The following HEMK2 variants were observed in gnomAD, a reference collection of about 807,000 sequenced individuals.
HEMK2 encodes HemK methyltransferase 2, ETF1 glutamine and histone H4 lysine.
the HEMK2 span, among the ~76,000 whole-genome samples, chr21:28,705,476 A>C: frequency 1.0e-5 from 1 of 98,286 alleles, no homozygotes. Flanking sequence ...GAAAACCAAC[A>C]TAATATCTCT....
chr21:28,751,830 C>G, the HEMK2 span, among the ~76,000 whole-genome samples: 1 of 152,170 alleles, frequency 6.6e-6, no homozygotes, highest in Non-Finnish European at 1.5e-5. Context: ...CAGGCATATG[C>G]CATTACGTCC....
At chr21:28,767,374 TA>T in the HEMK2 span, among the ~76,000 whole-genome samples, 15 of 147,724 alleles carry the variant, frequency 1.0e-4, no homozygotes, top group African/African-American at 3.0e-4. Flanking sequence ...TACTGAAATT[TA>T]AAAAAAAAAT....
the HEMK2 span, among the ~76,000 whole-genome samples, chr21:28,810,174 G>A: frequency 6.6e-6 from 1 of 152,118 alleles, no homozygotes; most frequent in Non-Finnish European, 1.5e-5. Flanking sequence ...CTGGTACAGT[G>A]CTAGATTAGG....
chr21:28,709,774 G>A, the HEMK2 span, among the ~76,000 whole-genome samples: 3 of 152,144 alleles, frequency 2.0e-5, no homozygotes, highest in East Asian at 1.9e-4. Flanking sequence ...GGGCTGGGGC[G>A]AGAGGAAGAG....
the HEMK2 span, among the ~76,000 whole-genome samples, chr21:28,855,268 G>T: frequency 6.6e-6 from 1 of 152,056 alleles, no homozygotes; most frequent in Non-Finnish European, 1.5e-5. Flanking sequence ...ACAAAGGAAA[G>T]AATTACATAA....
the HEMK2 span, among the ~76,000 whole-genome samples, chr21:28,830,874 CT>C: frequency 0.88 from 115,504 of 131,278 alleles, 50,004 homozygotes; most frequent in South Asian, 0.93. Flanking sequence ...AAGACTCCAT[CT>C]TTAAAAAAAA....
At chr21:28,623,074 C>CAAT in the HEMK2 span, among the ~76,000 whole-genome samples, 80 of 151,928 alleles carry the variant, frequency 5.3e-4, no homozygotes, top group African/African-American at 1.7e-3. Context: ...AACATTTGTG[C>CAAT]AATCTATCCA....
chr21:28,842,018 T>A, the HEMK2 span, among the ~76,000 whole-genome samples: 2 of 152,158 alleles, frequency 1.3e-5, no homozygotes, highest in Non-Finnish European at 2.9e-5. Context: ...TTGCTGTATA[T>A]CTTTTCACTA....
At chr21:28,638,817 C>T in the HEMK2 span, among the ~76,000 whole-genome samples, 24 of 152,290 alleles carry the variant, frequency 1.6e-4, no homozygotes, top group African/African-American at 2.6e-4. Context: ...TGCACCAGCA[C>T]GCTAGCTTGA....
the HEMK2 span, among the ~76,000 whole-genome samples, chr21:28,831,082 G>C: frequency 6.6e-6 from 1 of 152,042 alleles, no homozygotes; most frequent in South Asian, 2.1e-4. Flanking sequence ...TCAATTTGTA[G>C]GGGCAGGAGG....
chr21:28,831,474 A>AGAAAGAAC, the HEMK2 span, among the ~76,000 whole-genome samples: 1 of 42,390 alleles, frequency 2.4e-5, no homozygotes, highest in Non-Finnish European at 4.0e-5. Context: ...AAAGAAAGAA[A>AGAAAGAAC]GAAAGAAAGA....
the HEMK2 span, among the ~76,000 whole-genome samples, chr21:28,870,001 T>C: frequency 6.6e-6 from 1 of 152,328 alleles, no homozygotes; most frequent in East Asian, 1.9e-4. Context: ...TTTCTCCCAG[T>C]CATCCTTACC....
At chr21:28,663,436 A>G in the HEMK2 span, among the ~76,000 whole-genome samples, 1 of 152,234 alleles carries the variant, frequency 6.6e-6, no homozygotes, top group Non-Finnish European at 1.5e-5. Flanking sequence ...TAAACATTGT[A>G]CCAGCCAAAT....
At chr21:28,831,518 A>AGAAAGAAAGAAAGAAG in the HEMK2 span, among the ~76,000 whole-genome samples, 18 of 76,698 alleles carry the variant, frequency 2.3e-4, no homozygotes, top group South Asian at 5.0e-4. Context: ...AAAGAAAGAA[A>AGAAAGAAAGAAAGAAG]GAAAGAAGGA....
At chr21:28,864,525 C>T in the HEMK2 span, among the ~76,000 whole-genome samples, 2 of 152,150 alleles carry the variant, frequency 1.3e-5, no homozygotes, top group Non-Finnish European at 2.9e-5. Context: ...ACTTCAAACG[C>T]TCCTCATATG....
the HEMK2 span, among the ~76,000 whole-genome samples, chr21:28,823,104 T>C: frequency 4.6e-5 from 7 of 152,190 alleles, no homozygotes; most frequent in Non-Finnish European, 8.8e-5. Context: ...TGCACTGTAA[T>C]GTGAACAGGG....
the HEMK2 span, among the ~76,000 whole-genome samples, chr21:28,714,749 G>T: frequency 6.6e-6 from 1 of 152,146 alleles, no homozygotes; most frequent in African/African-American, 2.4e-5. Context: ...TCGTCACCCA[G>T]GTAGGGAGCA....
the HEMK2 span, among the ~76,000 whole-genome samples, chr21:28,758,949 C>A: frequency 6.6e-6 from 1 of 152,190 alleles, no homozygotes; most frequent in Admixed American, 6.5e-5. Context: ...TGCACTCTCA[C>A]TCCTGGTAGT....
At chr21:28,717,089 T>C in the HEMK2 span, among the ~76,000 whole-genome samples, 3 of 152,164 alleles carry the variant, frequency 2.0e-5, no homozygotes, top group African/African-American at 4.8e-5. Context: ...CTTTTTTCAT[T>C]GTGTCTTTGC....
Sources: gnomAD v4.1 joint callset for allele counts (sites outside exome capture counted in the v4.1 genomes callset) on GRCh38, gnomAD v4.1.1 for gene constraint, MANE v1.5 for transcripts, NCBI Gene and HGNC (gene_info 2026-07-23, HGNC 2026-07-21) for gene names.